NCKAP5: variants seen among roughly 807,000 people sequenced by gnomAD.
NCKAP5 encodes the protein NCK associated protein 5.
In NCKAP5, 92 loss-of-function variants were observed where a neutral mutation model predicts 167.0. The observed-to-expected ratio is 0.55, with a 90% confidence interval of 0.47 to 0.66. The LOEUF (loss-of-function observed/expected upper bound fraction) is 0.66. Ranked by LOEUF, NCKAP5 falls within the 30% of genes least tolerant of loss-of-function variation. The pLI, the probability that NCKAP5 is intolerant of heterozygous loss-of-function variation, is 0.00. For missense variants in NCKAP5, 2,378 were observed against 2,315.0 expected, an observed-to-expected ratio of 1.03 and a Z score of -0.56; for synonymous variants, 891 against 877.4, an observed-to-expected ratio of 1.02 and a Z score of -0.27.
chr2:133,533,486 T>A (rs1324976202), intron 2 of NCKAP5, among the ~76,000 whole-genome samples: 1 of 152,228 alleles, frequency 6.6e-6, no homozygotes, highest in Non-Finnish European at 1.5e-5. Context: ...TAGTTATTTT[T>A]AAAGTTTGAA....
chr2:133,369,484 C>T (rs1268971122), intron 3 of NCKAP5, among the ~76,000 whole-genome samples: 1 of 152,166 alleles, frequency 6.6e-6, no homozygotes, highest in African/African-American at 2.4e-5. Context: ...TGCTCTTGTT[C>T]GTTAAAGTTA....
the NCKAP5 span, among the ~76,000 whole-genome samples, chr2:133,583,034 T>G: frequency 9.2e-5 from 14 of 152,222 alleles, no homozygotes; most frequent in Admixed American, 8.5e-4. Context: ...TGATACAACC[T>G]TTCTGGGAAG....
intron 2 of NCKAP5, among the ~76,000 whole-genome samples, chr2:133,540,948 A>AAAAG (rs1553437953): frequency 6.6e-6 from 1 of 150,528 alleles, no homozygotes; most frequent in African/African-American, 2.4e-5. Context: ...AAAAAAAAAA[A>AAAAG]AAAGAAAGAA....
At chr2:133,196,307 C>G (rs564472605) in intron 5 of NCKAP5, among the ~76,000 whole-genome samples, 2 of 152,170 alleles carry the variant, frequency 1.3e-5, no homozygotes, top group African/African-American at 4.8e-5. Flanking sequence ...TCTGGGCTTC[C>G]AATAAGTACT....
At chr2:133,175,737 G>A (rs753537266) in intron 5 of NCKAP5, among the ~76,000 whole-genome samples, 5 of 151,960 alleles carry the variant, frequency 3.3e-5, no homozygotes, top group East Asian at 1.9e-4. Context: ...TTACTCTCTC[G>A]CCCCACAGAT....
intron 6 of NCKAP5, among the ~76,000 whole-genome samples, chr2:133,045,782 T>C (rs1445042303): frequency 1.3e-5 from 2 of 152,200 alleles, no homozygotes; most frequent in Non-Finnish European, 2.9e-5. Context: ...TCTCAAAATA[T>C]CTTATTGCAC....
intron 4 of NCKAP5, among the ~76,000 whole-genome samples, chr2:133,287,231 G>C (rs1549739): frequency 0.32 from 49,270 of 151,942 alleles, 8,388 homozygotes; most frequent in African/African-American, 0.42. Context: ...ATTCAGTATT[G>C]TGAACCTTGT....
chr2:133,417,423 C>T (rs182254808), intron 3 of NCKAP5, among the ~76,000 whole-genome samples: 330 of 152,310 alleles, frequency 2.2e-3, no homozygotes, highest in African/African-American at 7.7e-3. Context: ...GGAATCGACC[C>T]CAGGCCCACT....
At chr2:132,843,688 C>T (rs1238606443) in intron 11 of NCKAP5, among the ~76,000 whole-genome samples, 1 of 151,954 alleles carries the variant, frequency 6.6e-6, no homozygotes, top group Non-Finnish European at 1.5e-5. Context: ...TTTTACCATA[C>T]ATTTTAGTGT....
At chr2:133,599,437 GT>G in the NCKAP5 span, among the ~76,000 whole-genome samples, 2 of 152,210 alleles carry the variant, frequency 1.3e-5, no homozygotes, top group African/African-American at 4.8e-5. Flanking sequence ...GCACAAGGAA[GT>G]GCAATGCCCA....
At chr2:133,089,982 G>A (rs988511250) in intron 6 of NCKAP5, among the ~76,000 whole-genome samples, 4 of 152,074 alleles carry the variant, frequency 2.6e-5, no homozygotes, top group Non-Finnish European at 4.4e-5. Flanking sequence ...CTTCCCAGGT[G>A]TCCTTCAAAA....
chr2:133,315,857 G>A (rs1221073902), intron 3 of NCKAP5, among the ~76,000 whole-genome samples: 1 of 152,100 alleles, frequency 6.6e-6, no homozygotes, highest in Non-Finnish European at 1.5e-5. Context: ...GAAAGGTGAA[G>A]AATAAAGACA....
Position 132,784,929 on chromosome 2 carries a change from A to T in NCKAP5, c.1882T>A (p.Cys628Ser). Residue 628 changes from cysteine to serine, a missense_variant, in exon 14 of 20, where the codon TGT (cysteine) becomes AGT (serine). Physicochemically the swap from Cys to Ser is moderately radical, Grantham distance 112. This residue lies in a region of NCKAP5 where 1,049 missense variants were observed against 1,023.4 expected (regional missense o/e 1.02). Coordinates refer to ENST00000409261, the MANE Select transcript of NCKAP5 (RefSeq NM_207363.3). ...TTTTCCTCCTCTTCAGGAGACCCAC[A>T]TAGAGATTTTCCAAACCCCACAAGG... The part of the protein sequence containing the change: ...DVLVGFGKSL[C>S]GSPEEEEKQV... 6.3e-7 allele frequency: 1 copy of T among 1,596,898 alleles called. No individual in the cohort carries two copies. Among genetic ancestry groups the T allele is most frequent in the South Asian group, 1.1e-5 (1 of 87,962 alleles).
At position 133,379,301 on chromosome 2, in the gene NCKAP5, C is replaced by T. The variant is rs191223566; in HGVS notation, c.70-76191G>A. ...CCTCGTGATTCAAAATAATAATAAC[C>T]TCCAGTCTTGTCCTTGCATGTCCTT... On this transcript the variant is annotated intron_variant, in intron 3 of 19. Coordinates refer to ENST00000409261, the MANE Select transcript of NCKAP5 (RefSeq NM_207363.3). Among the ~76,000 whole-genome samples the T allele has an allele frequency of 3.2e-4, 49 of 152,260 alleles. No individual in the cohort carries two copies. The East Asian group carries it at 9.4e-3, about 29-fold the overall frequency.
intron 16 of NCKAP5, among the ~76,000 whole-genome samples, chr2:132,739,797 T>A (rs1691857813): frequency 6.6e-6 from 1 of 152,172 alleles, no homozygotes; most frequent in Admixed American, 6.5e-5. Context: ...TATGCACCAA[T>A]GTACTTGAGG....
chr2:132,907,117 A>G (rs1042142475), intron 8 of NCKAP5, among the ~76,000 whole-genome samples: 2 of 152,242 alleles, frequency 1.3e-5, no homozygotes, highest in South Asian at 4.1e-4. Context: ...CATTATTTAT[A>G]TTACTAAACA....
At chr2:133,625,266 T>C in the NCKAP5 span, among the ~76,000 whole-genome samples, 1 of 152,226 alleles carries the variant, frequency 6.6e-6, no homozygotes, top group Non-Finnish European at 1.5e-5. Flanking sequence ...CAGAATAATC[T>C]ACATAAATTC....
intron 6 of NCKAP5, among the ~76,000 whole-genome samples, chr2:132,998,312 T>C (rs1482691032): frequency 6.6e-6 from 1 of 152,330 alleles, no homozygotes; most frequent in South Asian, 2.1e-4. Context: ...TTCTTGGCTT[T>C]ATACTTAAAA....
At chr2:132,962,153 T>C (rs977010322) in intron 8 of NCKAP5, among the ~76,000 whole-genome samples, 2 of 152,202 alleles carry the variant, frequency 1.3e-5, no homozygotes, top group Non-Finnish European at 2.9e-5. Flanking sequence ...AGCCCAACTC[T>C]TTCATTCACA....
Sources: gnomAD v4.1 joint callset for allele counts (sites outside exome capture counted in the v4.1 genomes callset) on GRCh38, gnomAD v4.1.1 for gene constraint, gnomAD v4.1.1 regional missense constraint, MANE v1.5 for transcripts, NCBI Gene and HGNC (gene_info 2026-07-23, HGNC 2026-07-21) for gene names.